Variants in RUBCNL observed in about 807,000 individuals in gnomAD.
The protein encoded by RUBCNL is rubicon like autophagy enhancer.
In RUBCNL, 62 loss-of-function variants were observed where a neutral mutation model predicts 69.5. The ratio of observed to expected loss-of-function variants is 0.89; its 90% CI spans 0.73 to 1.10. The LOEUF (loss-of-function observed/expected upper bound fraction) is 1.10, where lower values mean the gene tolerates loss of function less well. Ranked by LOEUF, RUBCNL falls within the 50% of genes least tolerant of loss-of-function variation. The pLI is 0.00. For synonymous variants in RUBCNL, 291 were observed against 303.6 expected (o/e 0.96, Z 0.43); for missense variants, 768 against 798.1 (o/e 0.96, Z 0.45).
At chr13:46,383,417 C>T (rs1483407418) in intron 1 of RUBCNL, among the ~76,000 whole-genome samples, 1 of 152,196 alleles carries the variant, frequency 6.6e-6, no homozygotes, top group Non-Finnish European at 1.5e-5. Flanking sequence ...TGCCCCATAG[C>T]CTTCTCTACA....
intron 3 of RUBCNL, among the ~76,000 whole-genome samples, chr13:46,370,169 T>C (rs1323876758): frequency 1.3e-5 from 2 of 152,200 alleles, no homozygotes; most frequent in Non-Finnish European, 2.9e-5. Flanking sequence ...CAGCTGTCCG[T>C]TCACCAGCTG....
intron 1 of RUBCNL, among the ~76,000 whole-genome samples, chr13:46,380,221 T>A (rs896014111): frequency 1.3e-5 from 2 of 152,108 alleles, no homozygotes; most frequent in Non-Finnish European, 2.9e-5. Context: ...GAAGGCAAAG[T>A]TCATGGAAAA....
In RUBCNL at chr13:46,344,757, T is replaced by A. The variant is rs1315880549; in HGVS notation, c.1860A>T (p.Thr620=). 6.2e-7 allele frequency: 1 copy of A among 1,608,664 alleles called. No individual in the cohort carries two copies. Among genetic ancestry groups the A allele is most frequent in the Non-Finnish European group, 8.5e-7 (1 of 1,176,574 alleles). The change falls in exon 14 of 15, where the codon ACA becomes ACT. Residue 620 remains threonine (T), a synonymous_variant. Transcript: ENST00000429979. ...ATTAAATACCTGAACATCTTCTACA[T>A]GTTGCTGTCTGAAATGGGAAGATGA... ...TTVIFPFQTA[T]CRRCSACRAC... is the part of the protein sequence containing the mutation.
chr13:46,350,436 A>T, intron 10 of RUBCNL, 85 bp from the exon 11 acceptor site: 1 of 930,308 alleles, frequency 1.1e-6, no homozygotes. Flanking sequence ...CCTACGCAAG[A>T]TTCAAAGACT....
At position 46,339,884 on chromosome 13, in the gene RUBCNL, A is replaced by G. The variant is rs913541706; in HGVS notation, c.*3501T>C. Reference sequence around the variant, plus strand: ...AAAAAAACAAAAACAAAAACAAAACAAAACAAAAAAACCCCAGGAATTTAT... The same window carrying G: ...AAAAAAACAAAAACAAAAACAAAACGAAACAAAAAAACCCCAGGAATTTAT... On this transcript the variant is annotated 3_prime_UTR_variant, in exon 15 of 15. Transcript: ENST00000429979. 6.7e-6 allele frequency among the ~76,000 whole-genome samples: 1 copy of G among 150,306 alleles called. No individual in the cohort carries two copies. The highest frequency in any genetic ancestry group is 3.2e-3 in the Middle Eastern group (1 of 316).
At chr13:46,368,466 T>C (rs1056929031) in intron 4 of RUBCNL, 116 of 985,236 alleles carry the variant, frequency 1.2e-4, no homozygotes, top group Non-Finnish European at 1.3e-4. Context: ...ACAACTCAAA[T>C]TGGATTTCTT....
chr13:46,345,398 C>T, intron 13 of RUBCNL, 49 bp downstream of exon 13: 1 of 1,542,290 alleles, frequency 6.5e-7, no homozygotes. Flanking sequence ...GAACACCCAG[C>T]ACAGGCCCTG....
Position 46,338,081 on chromosome 13 carries a change from C to T in RUBCNL, c.*5304G>A, listed in dbSNP as rs891582716. 1.6e-4 allele frequency among the ~76,000 whole-genome samples: 24 copies of T among 152,102 alleles called. No individual in the cohort carries two copies. The highest frequency in any genetic ancestry group is 4.3e-4 in the African/African-American group (18 of 41,408). Reference sequence around the variant, plus strand: ...GGAGCATGTGTGTGCACGTGCAGTACGCTGAAGAATGGGCAAGATCGGGAG... The same window carrying T: ...GGAGCATGTGTGTGCACGTGCAGTATGCTGAAGAATGGGCAAGATCGGGAG... On this transcript the variant is annotated 3_prime_UTR_variant, in exon 15 of 15. Transcript: ENST00000429979.
intron 13 of RUBCNL, among the ~76,000 whole-genome samples, 181 bp from the exon 14 acceptor site, chr13:46,345,012 T>C (rs960319329): frequency 1.4e-4 from 22 of 152,326 alleles, no homozygotes; most frequent in African/African-American, 4.8e-4. Flanking sequence ...AAAATGTACA[T>C]TCAACCAATT....
Position 46,368,047 on chromosome 13 carries a change from T to C in RUBCNL, c.821A>G (p.Tyr274Cys). 6 of 1,613,952 alleles carry C rather than the reference T, an allele frequency of 3.7e-6. No individual in the cohort carries two copies. The highest frequency in any genetic ancestry group is 5.1e-6 in the Non-Finnish European group (6 of 1,179,858). The change falls in exon 5 of 15, where the codon TAT (tyrosine) becomes TGT (cysteine). Residue 274 changes from tyrosine (Y) to cysteine (C), a missense_variant. By Grantham distance (194) the Tyr-to-Cys change is radical. Coordinates refer to ENST00000429979, the MANE Select transcript of RUBCNL (RefSeq NM_025113.5). ...CTCATATTTGCCCAACTTGCCTTCA[T>C]AGCCACTGTATGAAGAAGTAGAAGA... is the stretch of plus-strand genomic sequence containing the variant. ...SGSSTSSYSGYEGCAVLQVSP... is the reference protein window; with the variant it reads ...SGSSTSSYSGCEGCAVLQVSP...
Position 46,336,192 on chromosome 13 carries a change from G to A in RUBCNL, c.*7193C>T, listed in dbSNP as rs531674778. The stretch of plus-strand genomic sequence containing the variant: ...GCCGGCCCTGTTCTTTTTGGTTCAC[G>A]TGGTCTTTAGTAATTTACTAAATAA... On this transcript the variant is annotated 3_prime_UTR_variant, in exon 15 of 15. Coordinates refer to ENST00000429979, the MANE Select transcript of RUBCNL (RefSeq NM_025113.5). Among the ~76,000 whole-genome samples the A allele has an allele frequency of 3.3e-5, 5 of 152,102 alleles. No homozygotes were observed. The highest frequency in any genetic ancestry group is 4.4e-5 in the Non-Finnish European group (3 of 68,010).
Position 46,350,287 on chromosome 13 carries a change from T to C in RUBCNL, c.1395A>G (p.Ser465=). ...LGKYFCDCCH[S]YAESCIPARI... ...GGGCAGGGATGCACGACTCTGCATA[T>C]GAGTGGCAGCAGTCACAGAAATACT... The change falls in exon 11 of 15, where the codon TCA becomes TCG. Residue 465 remains serine (S), a synonymous_variant. Coordinates refer to ENST00000429979, the MANE Select transcript of RUBCNL (RefSeq NM_025113.5). 1 of 1,582,590 alleles carries C rather than the reference T, an allele frequency of 6.3e-7. No homozygotes were observed. Among genetic ancestry groups the C allele is most frequent in the Non-Finnish European group, 8.6e-7 (1 of 1,163,588 alleles).
upstream of RUBCNL, among the ~76,000 whole-genome samples, chr13:46,389,043 T>C (rs1028468690): frequency 5.9e-5 from 9 of 152,176 alleles, no homozygotes; most frequent in Admixed American, 3.9e-4. This position sits in a 1 kb window ranked among gnomAD's most constrained non-coding sequence, Gnocchi z 4.2. Context: ...TGAAGGCCGA[T>C]TGGGAAGGGC....
intron 1 of RUBCNL, among the ~76,000 whole-genome samples, chr13:46,379,235 C>T (rs563231977): frequency 2.0e-5 from 3 of 152,110 alleles, no homozygotes; most frequent in African/African-American, 7.2e-5. Context: ...CGCCACCATG[C>T]CTGGCTAATT....
At position 46,345,522 on chromosome 13, in the gene RUBCNL, C is replaced by G; in HGVS notation, c.1710G>C (p.Arg570Ser). The G allele has an allele frequency of 6.2e-7, 1 of 1,611,788 alleles. No homozygotes were observed. The highest frequency in any genetic ancestry group is 1.1e-5 in the South Asian group (1 of 90,466). ...AGGGTGCCAGCAGCCCTTTCTTGAT[C>G]CTGACCAGGTCCTCAAGGGAGAACA... Reference protein sequence around the residue: ...LHLFSLEDLVRIKKGLLAPLL... With the variant: ...LHLFSLEDLVSIKKGLLAPLL... The change falls in exon 13 of 15, where the codon AGG becomes AGC. Residue 570 changes from arginine to serine, a missense_variant. Arg to Ser is a moderately radical substitution (Grantham distance 110). Coordinates refer to ENST00000429979, the MANE Select transcript of RUBCNL (RefSeq NM_025113.5).
chr13:46,384,603 C>A (rs951865454), intron 1 of RUBCNL, among the ~76,000 whole-genome samples: 1 of 152,078 alleles, frequency 6.6e-6, no homozygotes, highest in Non-Finnish European at 1.5e-5. Flanking sequence ...ACATTTACTT[C>A]TTTTAATAAA....
upstream of RUBCNL, chr13:46,387,385 G>C (rs888030155): frequency 1.0e-6 from 1 of 985,386 alleles, no homozygotes; most frequent in African/African-American, 1.7e-5. Flanking sequence ...CGCAGGCACC[G>C]AGACGTCGCC....
chr13:46,345,417 G>A (rs1448320357), intron 13 of RUBCNL, 30 bp downstream of exon 13: 2 of 1,549,616 alleles, frequency 1.3e-6, no homozygotes, highest in East Asian at 4.9e-5. Flanking sequence ...TGGTGCATCG[G>A]GAACGAATCT....
chr13:46,348,175 G>T (rs958139318), intron 12 of RUBCNL, among the ~76,000 whole-genome samples: 1 of 152,174 alleles, frequency 6.6e-6, no homozygotes, highest in Non-Finnish European at 1.5e-5. Context: ...CAGGAGTTAG[G>T]CTAAGAGGAA....
Sources: gnomAD v4.1 joint callset for allele counts (sites outside exome capture counted in the v4.1 genomes callset) on GRCh38, gnomAD v4.1.1 for gene constraint, Gnocchi (gnomAD v3.1) non-coding constraint, MANE v1.5 for transcripts, NCBI Gene and HGNC (gene_info 2026-07-23, HGNC 2026-07-21) for gene names.